Variants in HORMAD2 observed in about 807,000 individuals in gnomAD.
HORMAD2 encodes HORMA domain containing 2.
A neutral mutation model predicts 38.8 loss-of-function variants in HORMAD2; 45 were observed. That is an observed-to-expected ratio of 1.16 (90% CI 0.91 to 1.49). The LOEUF is 1.49. Ranked by LOEUF, HORMAD2 falls within the 40% of genes most tolerant of loss-of-function variation. HORMAD2 has a pLI of 0.00. For missense variants in HORMAD2, 338 were observed against 367.0 expected, an observed-to-expected ratio of 0.92 and a Z score of 0.65; for synonymous variants, 126 against 122.8, an observed-to-expected ratio of 1.03 and a Z score of -0.17.
intron 10 of HORMAD2, among the ~76,000 whole-genome samples, chr22:30,173,008 G>A (rs546138840): frequency 6.6e-6 from 1 of 152,290 alleles, no homozygotes; most frequent in Non-Finnish European, 1.5e-5. Flanking sequence ...GAACACAGCT[G>A]TGGGGGTGTC....
At chr22:30,106,845 G>A (rs550224547) in intron 5 of HORMAD2, among the ~76,000 whole-genome samples, 3 of 152,108 alleles carry the variant, frequency 2.0e-5, no homozygotes, top group African/African-American at 7.2e-5. Context: ...CTAAAGCAGT[G>A]GTTCTCAAAC....
Position 30,113,050 on chromosome 22 carries a change from C to T in HORMAD2, c.342+528C>T, listed in dbSNP as rs533084503. Among the ~76,000 whole-genome samples, 24 of 152,082 alleles carry T rather than the reference C, an allele frequency of 1.6e-4. No individual in the cohort carries two copies. The South Asian group carries it at 5.0e-3, about 32-fold the overall frequency. ...CTTTACTTCTCTCTTTAGATTTCTT[C>T]CCTCTGTTTAGGGAATCCGACTCAT... On this transcript the variant is annotated intron_variant, in intron 7 of 10. Coordinates refer to ENST00000336726, the MANE Select transcript of HORMAD2 (RefSeq NM_152510.4).
intron 8 of HORMAD2, among the ~76,000 whole-genome samples, chr22:30,121,334 A>T (rs544304307): frequency 6.6e-6 from 1 of 152,310 alleles, no homozygotes; most frequent in South Asian, 2.1e-4. Context: ...CTGATATTAG[A>T]TGCCAGGTCA....
chr22:30,137,196 C>A lies in HORMAD2; in HGVS notation c.819+14982C>A, dbSNP rs140552644. ...AATCAGGCATTTTTGCCCTGAACAT[C>A]TTCAGTATCAGCTTGAATTTTCTAA... On this transcript the variant is annotated intron_variant, in intron 10 of 10. Transcript: ENST00000336726. The A allele has an allele frequency of 1.3e-3, 764 of 590,814 alleles. 7 individuals carry two copies. Among genetic ancestry groups the A allele is most frequent in the African/African-American group, 0.012 (677 of 54,186 alleles). The allele number at this position is 590,814 out of a possible 1,614,324, so 36.6% of individuals were successfully genotyped here.
chr22:30,134,761 T>C (rs1569105097), intron 10 of HORMAD2, among the ~76,000 whole-genome samples: 1 of 152,004 alleles, frequency 6.6e-6, no homozygotes, highest in Non-Finnish European at 1.5e-5. Flanking sequence ...ATTCAGTCAA[T>C]AAATTTATAT....
chr22:30,119,464 C>T (rs1006848881), intron 8 of HORMAD2, among the ~76,000 whole-genome samples: 5 of 152,146 alleles, frequency 3.3e-5, no homozygotes, highest in Non-Finnish European at 5.9e-5. Flanking sequence ...CATTTGCTTA[C>T]CCCAGTATGT....
In HORMAD2 at chr22:30,130,890, C is replaced by T. The variant is rs552109418; in HGVS notation, c.819+8676C>T. ...GGGATTACAGGCAAGAGCCACCATG[C>T]CTGGCCAGGTCTTCCTTCCTAATAG... is the stretch of plus-strand genomic sequence containing the variant. On this transcript the variant is annotated intron_variant, in intron 10 of 10. Coordinates refer to ENST00000336726, the MANE Select transcript of HORMAD2 (RefSeq NM_152510.4). Among the ~76,000 whole-genome samples the T allele has an allele frequency of 1.2e-4, 19 of 152,176 alleles. No homozygotes were observed. The East Asian group carries it at 1.4e-3, about 11-fold the overall frequency.
intron 8 of HORMAD2, among the ~76,000 whole-genome samples, chr22:30,120,410 C>T (rs1922347680): frequency 6.6e-6 from 1 of 152,170 alleles, no homozygotes; most frequent in South Asian, 2.1e-4. Flanking sequence ...TGAATTCACA[C>T]TGTCTCCAAA....
At chr22:30,193,394 T>A in the HORMAD2 span, among the ~76,000 whole-genome samples, 1 of 152,120 alleles carries the variant, frequency 6.6e-6, no homozygotes, top group Non-Finnish European at 1.5e-5. Context: ...ACAAACAGCC[T>A]GCAGTTTAGT....
the HORMAD2 span, among the ~76,000 whole-genome samples, chr22:30,182,882 C>T: frequency 6.6e-6 from 1 of 151,992 alleles, no homozygotes; most frequent in East Asian, 1.9e-4. Context: ...ATTTAAAATT[C>T]AAAAGGAACA....
chr22:30,092,181 AT>A (rs773194864), intron 1 of HORMAD2, among the ~76,000 whole-genome samples: 1 of 151,254 alleles, frequency 6.6e-6, no homozygotes, highest in Admixed American at 6.6e-5. Flanking sequence ...TCGCCTGGCC[AT>A]TTTTTGTCCT....
intron 10 of HORMAD2, among the ~76,000 whole-genome samples, chr22:30,123,114 A>G (rs1235653765): frequency 6.6e-6 from 1 of 152,186 alleles, no homozygotes; most frequent in African/African-American, 2.4e-5. Flanking sequence ...AAGAGGTTCT[A>G]GTTGTTCTAG....
rs1184222378 is a variant in HORMAD2, at chr22:30,098,974, T to C, written c.174T>C (p.Tyr58=). The C allele has an allele frequency of 1.6e-5, 25 of 1,610,126 alleles. No homozygotes were observed. Among genetic ancestry groups the C allele is most frequent in the Non-Finnish European group, 2.1e-5 (25 of 1,178,350 alleles). ...GGGGCCTGTTTCCAGAGAGCTCTTA[T>C]GGAGAACGCCATTTGGATGGTAAAG... ...YLRGLFPESS[Y]GERHLDDLSL... The change falls in exon 3 of 11, where the codon TAT becomes TAC. Residue 58 remains tyrosine (Y), a synonymous_variant. Transcript: ENST00000336726.
intron 5 of HORMAD2, chr22:30,105,056 C>G (rs140098847): frequency 1.2e-3 from 179 of 154,552 alleles, no homozygotes; most frequent in Middle Eastern, 6.3e-3. Context: ...TTCTGTGAAG[C>G]TTTTATTATG....
intron 7 of HORMAD2, 33 bp from the exon 8 acceptor site, chr22:30,118,947 C>A: frequency 6.9e-7 from 1 of 1,446,512 alleles, no homozygotes; most frequent in South Asian, 1.2e-5. Flanking sequence ...TTTCTAAATT[C>A]TTTTTTTTCT....
At chr22:30,109,107 C>A (rs1921434524) in intron 5 of HORMAD2, among the ~76,000 whole-genome samples, 1 of 150,500 alleles carries the variant, frequency 6.6e-6, no homozygotes, top group African/African-American at 2.5e-5. Flanking sequence ...TCACTGCAAC[C>A]TCTGCCTCCC....
chr22:30,178,577 A>G (rs761004255), downstream of HORMAD2, among the ~76,000 whole-genome samples: 26 of 152,214 alleles, frequency 1.7e-4, no homozygotes, highest in Non-Finnish European at 3.7e-4. Context: ...ATTAGAAGGA[A>G]AGAAATCTTT....
At chr22:30,147,412 C>G (rs1254892796) in intron 10 of HORMAD2, among the ~76,000 whole-genome samples, 1 of 148,842 alleles carries the variant, frequency 6.7e-6, no homozygotes, top group African/African-American at 2.5e-5. Context: ...ACTGGATAGT[C>G]ATATGGAAAA....
intron 2 of HORMAD2, among the ~76,000 whole-genome samples, chr22:30,097,061 G>A (rs892090591): frequency 2.0e-5 from 3 of 152,004 alleles, no homozygotes; most frequent in African/African-American, 4.8e-5. Context: ...ACACAACACC[G>A]GCTGGAATTC....
Sources: allele counts gnomAD v4.1 joint callset (sites outside exome capture counted in the v4.1 genomes callset), GRCh38; gene constraint gnomAD v4.1.1; transcripts MANE v1.5; gene names NCBI Gene and HGNC (gene_info 2026-07-23, HGNC 2026-07-21).